VKORC1L1: variants seen among roughly 807,000 people sequenced by gnomAD.
The protein encoded by VKORC1L1 is vitamin K epoxide reductase complex subunit 1-like protein 1.
A neutral mutation model predicts 18.9 loss-of-function variants in VKORC1L1; 2 were observed. The observed-to-expected ratio is 0.11, with a 90% CI of 0.04 to 0.33. The LOEUF is 0.33. VKORC1L1 is among the 10% of genes least tolerant of loss of function. The pLI, the probability that VKORC1L1 is intolerant of heterozygous loss-of-function variation, is 1.00. For synonymous variants in VKORC1L1, 96 were observed against 100.0 expected (o/e 0.96, Z 0.24); for missense variants, 123 against 224.1 (o/e 0.55, Z 2.88).
In VKORC1L1 at chr7:65,873,165, C is replaced by G. The variant is rs1398474336; in HGVS notation, c.-207C>G. 1.8e-6 allele frequency: 1 copy of G among 547,176 alleles called. No homozygotes were observed. The highest frequency in any genetic ancestry group is 2.1e-5 in the African/African-American group (1 of 48,520). The allele number at this position is 547,176 out of a possible 1,614,324, so 33.9% of individuals were successfully genotyped here. ...CGCGCCTTCCCCGCCCCGTCCGCCT[C>G]ACTCCTTTTGGGGCGGTTGGGCCGC... is the stretch of plus-strand genomic sequence containing the variant. On this transcript the variant is annotated 5_prime_UTR_variant, in exon 1 of 3. Coordinates refer to ENST00000360768, the MANE Select transcript of VKORC1L1 (RefSeq NM_173517.6).
At chr7:65,933,864 C>T (rs1412418112) in intron 1 of VKORC1L1, among the ~76,000 whole-genome samples, 1 of 152,018 alleles carries the variant, frequency 6.6e-6, no homozygotes, top group African/African-American at 2.4e-5. Context: ...CACACATAGC[C>T]TTTCGTATTC....
rs1789485315 is a variant in VKORC1L1, at chr7:65,910,504, TTTG to T, written c.194+36943_194+36945del. On this transcript the variant is annotated intron_variant, in intron 1 of 2. Coordinates refer to ENST00000360768, the MANE Select transcript of VKORC1L1 (RefSeq NM_173517.6). Reference sequence around the variant, plus strand: ...CTTGTATACAAAATTCCAGACCAGTTTTGTTGCCAACATAATTCTCATCGTTTT... The same window carrying T: ...CTTGTATACAAAATTCCAGACCAGTTTTGCCAACATAATTCTCATCGTTTT... Among the ~76,000 whole-genome samples, 2 of 152,210 alleles carry T rather than the reference TTTG, an allele frequency of 1.3e-5. 1 individual carries two copies. Among genetic ancestry groups the T allele is most frequent in the South Asian group, 4.1e-4 (2 of 4,830 alleles).
At chr7:65,926,356 A>G (rs1248314492) in intron 1 of VKORC1L1, among the ~76,000 whole-genome samples, 3 of 152,054 alleles carry the variant, frequency 2.0e-5, no homozygotes, top group Non-Finnish European at 4.4e-5. Context: ...GGGTTTCACC[A>G]TATTGGCCAG....
At chr7:65,879,304 A>T (rs1046797023) in intron 1 of VKORC1L1, among the ~76,000 whole-genome samples, 2 of 152,120 alleles carry the variant, frequency 1.3e-5, no homozygotes, top group Admixed American at 6.6e-5. Context: ...AATTCTTAAC[A>T]TTATCATTGT....
At chr7:65,920,697 T>C (rs1240339603) in intron 1 of VKORC1L1, among the ~76,000 whole-genome samples, 1 of 151,958 alleles carries the variant, frequency 6.6e-6, no homozygotes, top group Non-Finnish European at 1.5e-5. Flanking sequence ...TTTTCTCTCT[T>C]TTAAAAATTA....
chr7:65,911,025 T>C (rs1789493890), intron 1 of VKORC1L1, among the ~76,000 whole-genome samples: 1 of 152,198 alleles, frequency 6.6e-6, no homozygotes, highest in Admixed American at 6.5e-5. Context: ...CACTGTGATG[T>C]TACACTTCAC....
At chr7:65,900,260 G>T (rs1789291568) in intron 1 of VKORC1L1, among the ~76,000 whole-genome samples, 1 of 148,836 alleles carries the variant, frequency 6.7e-6, no homozygotes, top group South Asian at 2.2e-4. Context: ...CGTGGTGGCG[G>T]GCACCTGTAG....
rs1483876275 is a variant in VKORC1L1, at chr7:65,958,213, A to G, written c.*3913A>G. The G allele has an allele frequency of 6.6e-6, 1 of 152,252 alleles. No homozygotes were observed. The highest frequency in any genetic ancestry group is 1.5e-5 in the Non-Finnish European group (1 of 68,046). The allele number at this position is 152,252 out of a possible 1,614,324, so 9.4% of individuals were successfully genotyped here. On this transcript the variant is annotated 3_prime_UTR_variant, in exon 3 of 3. Transcript: ENST00000360768. ...GTGGGAGCCCCGGCTACTTGGTTAAACATTTTTTACTACAAATTCGCCCAG... is the reference window on the plus strand; with the variant it reads ...GTGGGAGCCCCGGCTACTTGGTTAAGCATTTTTTACTACAAATTCGCCCAG...
intron 1 of VKORC1L1, among the ~76,000 whole-genome samples, chr7:65,880,903 A>T (rs1344415023): frequency 6.6e-6 from 1 of 152,190 alleles, no homozygotes; most frequent in African/African-American, 2.4e-5. Context: ...CTATAAAGTT[A>T]TTGTACAGGT....
chr7:65,954,325 G>C lies in VKORC1L1; in HGVS notation c.*25G>C. 1 of 1,613,338 alleles carries C rather than the reference G, an allele frequency of 6.2e-7. No individual in the cohort carries two copies. The highest frequency in any genetic ancestry group is 1.1e-5 in the South Asian group (1 of 91,066). On this transcript the variant is annotated 3_prime_UTR_variant, in exon 3 of 3. Coordinates refer to ENST00000360768, the MANE Select transcript of VKORC1L1 (RefSeq NM_173517.6). ...ACGCCCGACAGACTCCACCCTAACA[G>C]TCTCAAGCCCCTTTCCATTCAGTTT...
intron 1 of VKORC1L1, among the ~76,000 whole-genome samples, chr7:65,909,690 T>G (rs191504940): frequency 0.011 from 1,306 of 123,822 alleles, 47 homozygotes; most frequent in African/African-American, 0.038. Flanking sequence ...GTTTTAGCCT[T>G]TGTGTGTGTG....
chr7:65,945,383 G>A (rs534189052), intron 1 of VKORC1L1, among the ~76,000 whole-genome samples: 3 of 152,108 alleles, frequency 2.0e-5, no homozygotes, highest in African/African-American at 4.8e-5. Context: ...AGGCCGAGGC[G>A]GGCAGATCAC....
intron 1 of VKORC1L1, among the ~76,000 whole-genome samples, chr7:65,920,581 G>A (rs988864880): frequency 6.6e-6 from 1 of 152,212 alleles, no homozygotes; most frequent in African/African-American, 2.4e-5. Flanking sequence ...AAGCTAACAG[G>A]AGGAGTGGGG....
At chr7:65,899,874 C>A (rs192653058) in intron 1 of VKORC1L1, among the ~76,000 whole-genome samples, 2 of 152,030 alleles carry the variant, frequency 1.3e-5, no homozygotes, top group Non-Finnish European at 2.9e-5. Context: ...GTGGTACATG[C>A]CTGTAATCCC....
chr7:65,916,415 C>T (rs1027319166), intron 1 of VKORC1L1, among the ~76,000 whole-genome samples: 1 of 152,004 alleles, frequency 6.6e-6, no homozygotes, highest in African/African-American at 2.4e-5. Context: ...CCATCGCCTT[C>T]GATAGCTTCC....
intron 1 of VKORC1L1, among the ~76,000 whole-genome samples, chr7:65,941,809 G>A (rs1428020008): frequency 6.6e-6 from 1 of 151,188 alleles, no homozygotes; most frequent in Admixed American, 6.6e-5. Context: ...CCAAGTAGCT[G>A]GGACTATAAG....
chr7:65,875,498 A>G (rs1263886202), intron 1 of VKORC1L1, among the ~76,000 whole-genome samples: 1 of 151,596 alleles, frequency 6.6e-6, no homozygotes, highest in African/African-American at 2.4e-5. Flanking sequence ...ACTCACTGCA[A>G]CCTCCACCTC....
chr7:65,899,908 G>A (rs1789281289), intron 1 of VKORC1L1, among the ~76,000 whole-genome samples: 1 of 152,052 alleles, frequency 6.6e-6, no homozygotes, highest in Admixed American at 6.6e-5. Context: ...GCTGAGGCAG[G>A]AGAATCGCTT....
chr7:65,932,864 G>T (rs994849168), intron 1 of VKORC1L1, among the ~76,000 whole-genome samples: 1 of 152,100 alleles, frequency 6.6e-6, no homozygotes, highest in Non-Finnish European at 1.5e-5. Flanking sequence ...TGGATCACGA[G>T]GTCAGGAGTT....
Sources: gnomAD v4.1 joint callset for allele counts (sites outside exome capture counted in the v4.1 genomes callset) on GRCh38, gnomAD v4.1.1 for gene constraint, MANE v1.5 for transcripts, NCBI Gene and HGNC (gene_info 2026-07-23, HGNC 2026-07-21) for gene names.